HOMER1: variants seen among roughly 807,000 people sequenced by gnomAD.
The protein encoded by HOMER1 is homer protein homolog 1.
In HOMER1, 3 loss-of-function variants were observed where a neutral mutation model predicts 48.9. The ratio of observed to expected loss-of-function variants is 0.06; its 90% CI spans 0.03 to 0.16. HOMER1 has a LOEUF of 0.16. Among genes scored for constraint, HOMER1 ranks in the 10% least tolerant of loss-of-function variants. The pLI, the probability that HOMER1 is intolerant of heterozygous loss-of-function variation, is 1.00. For missense variants in HOMER1, 247 were observed against 411.4 expected (o/e 0.60, Z 3.46); for synonymous variants, 134 against 146.4 (o/e 0.92, Z 0.61).
At chr5:79,390,017 G>A (rs1749209227) in intron 8 of HOMER1, among the ~76,000 whole-genome samples, 1 of 152,168 alleles carries the variant, frequency 6.6e-6, no homozygotes, top group South Asian at 2.1e-4. Context: ...CAGGCACGGT[G>A]GCTCATGCCT....
intron 1 of HOMER1, among the ~76,000 whole-genome samples, chr5:79,483,084 A>G (rs1163414491): frequency 6.6e-6 from 1 of 150,432 alleles, no homozygotes; most frequent in African/African-American, 2.5e-5. Flanking sequence ...GAGAAGTTCA[A>G]CAAACCACAA....
chr5:79,472,262 T>C (rs1208231319), intron 1 of HOMER1, among the ~76,000 whole-genome samples: 1 of 152,210 alleles, frequency 6.6e-6, no homozygotes, highest in African/African-American at 2.4e-5. Context: ...TATTTTTTCT[T>C]ATCTCAATTT....
intron 1 of HOMER1, among the ~76,000 whole-genome samples, chr5:79,460,588 A>C (rs1417760024): frequency 6.6e-6 from 1 of 152,168 alleles, no homozygotes; most frequent in Non-Finnish European, 1.5e-5. Flanking sequence ...ATTAAAGGTA[A>C]ATTTAGGAAG....
At position 79,375,932 on chromosome 5, in the gene HOMER1, T is replaced by C. The variant is rs144890906; in HGVS notation, c.*77A>G. On this transcript the variant is annotated 3_prime_UTR_variant, in exon 9 of 9. Coordinates refer to ENST00000334082, the MANE Select transcript of HOMER1 (RefSeq NM_004272.5). ...TTTTTTTTTTTTTTTTTGTGCAATC[T>C]TGATGCAGAGCCTAAACAGTCCTAT... The C allele has an allele frequency of 1.3e-4, 82 of 639,124 alleles. No individual in the cohort carries two copies. The East Asian group carries it at 2.6e-3, about 20-fold the overall frequency. The allele number at this position is 639,124 out of a possible 1,614,324, so 39.6% of individuals were successfully genotyped here.
intron 1 of HOMER1, among the ~76,000 whole-genome samples, chr5:79,474,164 A>G (rs1053886305): frequency 1.3e-5 from 2 of 151,058 alleles, no homozygotes; most frequent in Non-Finnish European, 2.9e-5. Flanking sequence ...CAGCCTCCCA[A>G]GTAGCTGGGA....
intron 1 of HOMER1, among the ~76,000 whole-genome samples, chr5:79,488,574 C>A (rs1215386277): frequency 2.0e-5 from 3 of 152,178 alleles, no homozygotes; most frequent in Non-Finnish European, 4.4e-5. Context: ...CCAGACTGGG[C>A]AATCTGCTGA....
intron 8 of HOMER1, among the ~76,000 whole-genome samples, chr5:79,392,179 G>A (rs1749270114): frequency 6.6e-6 from 1 of 152,134 alleles, no homozygotes; most frequent in South Asian, 2.1e-4. Context: ...TACTATTCAA[G>A]TTATTTTAGA....
intron 5 of HOMER1, among the ~76,000 whole-genome samples, chr5:79,420,804 C>T (rs4571454): frequency 0.48 from 72,661 of 151,986 alleles, 20,701 homozygotes; most frequent in African/African-American, 0.79. Context: ...TGAAGCTCCT[C>T]GAAGGCAATC....
intron 8 of HOMER1, among the ~76,000 whole-genome samples, chr5:79,378,198 G>C (rs1748824577): frequency 7.1e-6 from 1 of 140,978 alleles, no homozygotes; most frequent in Non-Finnish European, 1.5e-5. Flanking sequence ...CAGCCGCCTG[G>C]GGTGACAGAG....
At chr5:79,511,082 C>G (rs553222282) in intron 1 of HOMER1, among the ~76,000 whole-genome samples, 1 of 152,328 alleles carries the variant, frequency 6.6e-6, no homozygotes, top group East Asian at 1.9e-4. Flanking sequence ...CTTAAAGGTT[C>G]TGGAAAACTG....
chr5:79,495,166 T>G (rs994957264), intron 1 of HOMER1, among the ~76,000 whole-genome samples: 5 of 152,174 alleles, frequency 3.3e-5, no homozygotes, highest in African/African-American at 9.7e-5. Context: ...TCAAAAATAT[T>G]TGAAAACCAT....
chr5:79,493,903 C>T (rs760588478), intron 1 of HOMER1, among the ~76,000 whole-genome samples: 2 of 152,168 alleles, frequency 1.3e-5, no homozygotes, highest in Non-Finnish European at 2.9e-5. Flanking sequence ...AGTGTCTGCT[C>T]CTCATCCTTC....
At chr5:79,379,503 T>C (rs1431780764) in intron 8 of HOMER1, among the ~76,000 whole-genome samples, 2 of 133,282 alleles carry the variant, frequency 1.5e-5, no homozygotes, top group East Asian at 2.0e-4. Context: ...AATATTTATA[T>C]ACATTTATAT....
At chr5:79,377,288 T>A (rs181110548) in intron 8 of HOMER1, among the ~76,000 whole-genome samples, 26 of 152,192 alleles carry the variant, frequency 1.7e-4, no homozygotes, top group African/African-American at 5.3e-4. Flanking sequence ...TAAAATTGTC[T>A]CTAAATGTGA....
intron 8 of HOMER1, among the ~76,000 whole-genome samples, chr5:79,382,310 C>A (rs1749003477): frequency 6.6e-6 from 1 of 152,120 alleles, no homozygotes; most frequent in South Asian, 2.1e-4. Context: ...ACAGGAAGCT[C>A]TGAGATCCCC....
chr5:79,492,109 A>T (rs1752294018), intron 1 of HOMER1, among the ~76,000 whole-genome samples: 1 of 152,240 alleles, frequency 6.6e-6, no homozygotes. Context: ...CCAACAATAT[A>T]GAGCTTGATA....
In HOMER1 at chr5:79,415,975, T is replaced by C. The variant is rs114161836; in HGVS notation, c.528-13920A>G. On this transcript the variant is annotated intron_variant, in intron 5 of 8. Transcript: ENST00000334082. Reference sequence around the variant, plus strand: ...TAACAACTATCTTTATAGGGTGATTTTGAGGAGTAAATAGCCTATGTAAAT... The same window carrying C: ...TAACAACTATCTTTATAGGGTGATTCTGAGGAGTAAATAGCCTATGTAAAT... Among the ~76,000 whole-genome samples, 296 of 152,306 alleles carry C rather than the reference T, an allele frequency of 1.9e-3. 2 individuals carry two copies. Among genetic ancestry groups the C allele is most frequent in the African/African-American group, 4.2e-3 (175 of 41,566 alleles).
intron 2 of HOMER1, among the ~76,000 whole-genome samples, chr5:79,454,805 C>T (rs1053203216): frequency 6.6e-6 from 1 of 152,068 alleles, no homozygotes; most frequent in African/African-American, 2.4e-5. Context: ...AGGCAATAAT[C>T]GCCTGATAAT....
chr5:79,391,725 A>G (rs1295902854), intron 8 of HOMER1, among the ~76,000 whole-genome samples: 3 of 151,712 alleles, frequency 2.0e-5, no homozygotes, highest in East Asian at 3.9e-4. Flanking sequence ...CCTGGGCAAC[A>G]GAGTGAGACT....
Sources: gnomAD v4.1 joint callset for allele counts (sites outside exome capture counted in the v4.1 genomes callset) on GRCh38, gnomAD v4.1.1 for gene constraint, MANE v1.5 for transcripts, NCBI Gene and HGNC (gene_info 2026-07-23, HGNC 2026-07-21) for gene names.